The following CARMIL1 variants were observed in gnomAD, a reference collection of about 807,000 sequenced individuals.
The protein encoded by CARMIL1 is capping protein regulator and myosin 1 linker 1.
A neutral mutation model predicts 177.1 loss-of-function variants in CARMIL1; 90 were observed. That is an observed-to-expected ratio of 0.51 (90% confidence interval 0.43 to 0.61). The LOEUF is 0.61. Ranked by LOEUF, CARMIL1 falls within the 20% of genes least tolerant of loss-of-function variation. CARMIL1 has a pLI of 0.00. For synonymous variants in CARMIL1, 577 were observed against 606.2 expected (o/e 0.95, Z 0.71); for missense variants, 1,380 against 1,667.0 (o/e 0.83, Z 3.00).
At chr6:25,333,481 G>A (rs1198027195) in intron 2 of CARMIL1, among the ~76,000 whole-genome samples, 1 of 152,178 alleles carries the variant, frequency 6.6e-6, no homozygotes, top group African/African-American at 2.4e-5. Context: ...CAGGGGCATC[G>A]CTTGAGCCTG....
intron 26 of CARMIL1, 53 bp downstream of exon 26, chr6:25,540,131 T>A: frequency 2.7e-6 from 4 of 1,489,504 alleles, no homozygotes; most frequent in Non-Finnish European, 3.6e-6. Flanking sequence ...TAACTACGCA[T>A]GATAGCATTT....
intron 2 of CARMIL1, among the ~76,000 whole-genome samples, chr6:25,310,228 G>C (rs765932629): frequency 6.6e-6 from 1 of 152,084 alleles, no homozygotes; most frequent in Non-Finnish European, 1.5e-5. Flanking sequence ...TACAGATCCA[G>C]GCCTACCACA....
chr6:25,403,081 GT>G (rs71969807), intron 2 of CARMIL1, among the ~76,000 whole-genome samples: 2,643 of 142,906 alleles, frequency 0.018, 40 homozygotes, highest in African/African-American at 0.043. Flanking sequence ...TCCATAAAGA[GT>G]TTTTTTTTTT....
At chr6:25,484,085 G>A (rs1249343602) in intron 12 of CARMIL1, among the ~76,000 whole-genome samples, 2 of 152,146 alleles carry the variant, frequency 1.3e-5, no homozygotes, top group Non-Finnish European at 2.9e-5. Context: ...TCTTTGAAAT[G>A]TTCTCAGACA....
intron 17 of CARMIL1, among the ~76,000 whole-genome samples, chr6:25,504,534 ATTG>A (rs1337409522): frequency 6.6e-6 from 1 of 152,158 alleles, no homozygotes; most frequent in Admixed American, 6.5e-5. Context: ...TACAAACATC[ATTG>A]TTATTTGGAA....
rs535868220 is a variant in CARMIL1 at position 25,609,978 on chromosome 6, G to T, written c.3848-72G>T. ...TTTAAATGACTTATTTTTATATATAGATTTACCAGGCTTTATGTTCTTGGA... is the reference window on the plus strand; with the variant it reads ...TTTAAATGACTTATTTTTATATATATATTTACCAGGCTTTATGTTCTTGGA... On this transcript the variant is annotated intron_variant, in intron 35 of 36. Coordinates refer to ENST00000329474, the MANE Select transcript of CARMIL1 (RefSeq NM_017640.6). 6 of 1,413,932 alleles carry T rather than the reference G, an allele frequency of 4.2e-6. No individual in the cohort carries two copies. The African/African-American group carries it at 5.8e-5, about 14-fold the overall frequency. 87.6% of individuals were successfully genotyped at this position (1,413,932 alleles called of 1,614,324 possible). A position where few individuals can be genotyped will look rare whatever the true frequency, so the allele number is the denominator to read the frequency against.
At chr6:25,404,642 GCTA>G in intron 2 of CARMIL1, among the ~76,000 whole-genome samples, 1 of 152,132 alleles carries the variant, frequency 6.6e-6, no homozygotes, top group East Asian at 1.9e-4. Flanking sequence ...TGTAGTCCCA[GCTA>G]CTGAGGAGGC....
At chr6:25,451,198 A>G (rs1798879297) in intron 8 of CARMIL1, among the ~76,000 whole-genome samples, 1 of 151,898 alleles carries the variant, frequency 6.6e-6, no homozygotes, top group Admixed American at 6.6e-5. Context: ...GCATGTGTGT[A>G]TCCAAAATCC....
chr6:25,306,497 T>TC (rs961354195), intron 2 of CARMIL1, among the ~76,000 whole-genome samples: 2 of 151,866 alleles, frequency 1.3e-5, no homozygotes, highest in Non-Finnish European at 2.9e-5. Flanking sequence ...CCATCTCTCC[T>TC]CCCCCCCACT....
At chr6:25,401,667 C>T (rs945698307) in intron 2 of CARMIL1, among the ~76,000 whole-genome samples, 1 of 152,184 alleles carries the variant, frequency 6.6e-6, no homozygotes, top group African/African-American at 2.4e-5. Flanking sequence ...AATGGAAGCT[C>T]ATTCGCCAGC....
At chr6:25,512,957 G>A (rs1052057957) in intron 20 of CARMIL1, among the ~76,000 whole-genome samples, 3 of 152,158 alleles carry the variant, frequency 2.0e-5, no homozygotes, top group Admixed American at 1.3e-4. Flanking sequence ...ATTTCAAATA[G>A]TAATGTTACA....
In CARMIL1 at chr6:25,471,219, A is replaced by C; in HGVS notation, c.741A>C (p.Arg247=). The part of the protein sequence containing the change: ...QILRVVSRSN[R]LEELVLENAG... The stretch of plus-strand genomic sequence containing the variant: ...TGAGGGTGGTGAGTAGGTCCAATCG[A>C]CTGGAAGAATTGGTGTTGGAAAATG... Residue 247 remains arginine, a synonymous_variant, in exon 10 of 37, where the codon CGA becomes CGC. Coordinates refer to ENST00000329474, the MANE Select transcript of CARMIL1 (RefSeq NM_017640.6). 2 of 1,613,524 alleles carry C rather than the reference A, an allele frequency of 1.2e-6. No individual in the cohort carries two copies. The highest frequency in any genetic ancestry group is 1.7e-6 in the Non-Finnish European group (2 of 1,179,620).
intron 26 of CARMIL1, among the ~76,000 whole-genome samples, chr6:25,540,320 G>C (rs1186772676): frequency 6.6e-6 from 1 of 152,166 alleles, no homozygotes; most frequent in Non-Finnish European, 1.5e-5. Context: ...CACTGATAAA[G>C]GAATGATTGA....
chr6:25,452,968 CT>C (rs888901035), intron 8 of CARMIL1, among the ~76,000 whole-genome samples: 2 of 152,130 alleles, frequency 1.3e-5, no homozygotes, highest in African/African-American at 2.4e-5. Flanking sequence ...ACATTAAAGT[CT>C]GTTTGGTCTA....
rs1274224958 is a variant in CARMIL1 at position 25,577,853 on chromosome 6, G to A, written c.2743-3071G>A. 2.0e-5 allele frequency among the ~76,000 whole-genome samples: 3 copies of A among 152,098 alleles called. No homozygotes were observed. Among genetic ancestry groups the A allele is most frequent in the Non-Finnish European group, 4.4e-5 (3 of 67,988 alleles). ...CAGAAAATAGAGTTGTGGCCTTTTTGTTCACAGTGTCTGCCACAATGGGGA... is the reference window on the plus strand; with the variant it reads ...CAGAAAATAGAGTTGTGGCCTTTTTATTCACAGTGTCTGCCACAATGGGGA... On this transcript the variant is annotated intron_variant, in intron 29 of 36. Coordinates refer to ENST00000329474, the MANE Select transcript of CARMIL1 (RefSeq NM_017640.6). The surrounding 1 kb of genome is among the most constrained non-coding windows in gnomAD (Gnocchi z 4.5).
intron 2 of CARMIL1, among the ~76,000 whole-genome samples, chr6:25,290,502 CCT>C (rs2150141783): frequency 6.6e-6 from 1 of 151,172 alleles, no homozygotes; most frequent in South Asian, 2.1e-4. Context: ...ATGTGGCACT[CCT>C]CTCTCCAGGA....
rs71544648 is a variant in CARMIL1, at chr6:25,584,026, CTTTTTTTTT to C, written c.3006+2598_3006+2606del. Among the ~76,000 whole-genome samples the C allele has an allele frequency of 1.0e-3, 119 of 119,140 alleles. 1 individual carries two copies. The Admixed American group carries it at 0.011, about 11-fold the overall frequency. The allele number at this position is 119,140 out of a possible 152,430, so 78.2% of individuals were successfully genotyped here. On this transcript the variant is annotated intron_variant, in intron 31 of 36. Transcript: ENST00000329474. ...TACTTTTATCTTTTCTTTTCTTTTT[CTTTTTTTTT>C]TTTTTTTTTTGAGACAGGTTCTCAC... is the stretch of plus-strand genomic sequence containing the variant.
chr6:25,551,450 CTG>C (rs897070775), intron 27 of CARMIL1, among the ~76,000 whole-genome samples: 1 of 152,176 alleles, frequency 6.6e-6, no homozygotes, highest in African/African-American at 2.4e-5. Flanking sequence ...CCGTCATACA[CTG>C]TGAACAAATG....
intron 2 of CARMIL1, among the ~76,000 whole-genome samples, chr6:25,308,453 C>G (rs1783463995): frequency 6.8e-6 from 1 of 147,468 alleles, no homozygotes; most frequent in African/African-American, 2.5e-5. Flanking sequence ...ACGATCTCGG[C>G]TTACTGCAAC....
Sources: allele counts gnomAD v4.1 joint callset (sites outside exome capture counted in the v4.1 genomes callset), GRCh38; gene constraint gnomAD v4.1.1; non-coding constraint Gnocchi (gnomAD v3.1); transcripts MANE v1.5; gene names NCBI Gene and HGNC (gene_info 2026-07-23, HGNC 2026-07-21).